Variants in GRIK4 observed in about 807,000 individuals in gnomAD.
GRIK4 encodes the protein glutamate receptor ionotropic, kainate 4.
Under a neutral mutation model 104.9 loss-of-function variants are expected in GRIK4, and 40 were observed. That is an observed-to-expected ratio of 0.38 (90% CI 0.30 to 0.50). The LOEUF (loss-of-function observed/expected upper bound fraction) is 0.50. GRIK4 is among the 20% of genes least tolerant of loss of function. The probability of loss-of-function intolerance (pLI) is 0.93; values close to 1 mark genes in which losing one functional copy is unlikely to be tolerated. For synonymous variants in GRIK4, 485 were observed against 524.9 expected, an observed-to-expected ratio of 0.92 and a Z score of 1.04; for missense variants, 1,047 against 1,308.1, an observed-to-expected ratio of 0.80 and a Z score of 3.08.
At chr11:120,531,396 A>G (rs1300228381) in intron 1 of GRIK4, among the ~76,000 whole-genome samples, 7 of 152,124 alleles carry the variant, frequency 4.6e-5, no homozygotes, top group Non-Finnish European at 8.8e-5. Context: ...GCGCTGCCCA[A>G]ATAATCATTT....
At chr11:120,637,689 G>T (rs890387603) in intron 1 of GRIK4, among the ~76,000 whole-genome samples, 2 of 152,070 alleles carry the variant, frequency 1.3e-5, no homozygotes, top group African/African-American at 4.8e-5. Flanking sequence ...AGCTGAAGCT[G>T]GTTTAAATGT....
At chr11:120,668,150 A>G (rs1347686208) in intron 3 of GRIK4, among the ~76,000 whole-genome samples, 2 of 142,684 alleles carry the variant, frequency 1.4e-5, no homozygotes, top group East Asian at 2.1e-4. Context: ...TAGATAGATA[A>G]GTAGGTAGAT....
intron 1 of GRIK4, among the ~76,000 whole-genome samples, chr11:120,601,665 T>TG (rs1948889265): frequency 6.6e-6 from 1 of 150,430 alleles, no homozygotes. Context: ...TTTTTTTTTT[T>TG]TAAGTTGGAA....
chr11:120,723,524 A>G (rs901705379), intron 3 of GRIK4, among the ~76,000 whole-genome samples: 3 of 152,232 alleles, frequency 2.0e-5, no homozygotes, highest in Non-Finnish European at 2.9e-5. Flanking sequence ...ACCCACAATT[A>G]GGAAACTGAG....
At chr11:120,904,332 T>A (rs1361468217) in intron 12 of GRIK4, among the ~76,000 whole-genome samples, 1 of 152,110 alleles carries the variant, frequency 6.6e-6, no homozygotes, top group Non-Finnish European at 1.5e-5. Context: ...CTGTTAGTCA[T>A]CCACCGGGCT....
intron 20 of GRIK4, among the ~76,000 whole-genome samples, chr11:120,983,168 C>T (rs1324320912): frequency 6.6e-6 from 1 of 152,206 alleles, no homozygotes; most frequent in African/African-American, 2.4e-5. Flanking sequence ...TCCTCAGCTG[C>T]TCCAGGATTA....
intron 3 of GRIK4, among the ~76,000 whole-genome samples, chr11:120,712,523 C>T (rs1950753725): frequency 6.6e-6 from 1 of 151,802 alleles, no homozygotes. Flanking sequence ...CACGGTGGCA[C>T]ATGTCTGGAA....
intron 1 of GRIK4, among the ~76,000 whole-genome samples, chr11:120,618,825 T>C (rs1314510535): frequency 1.3e-5 from 2 of 152,176 alleles, no homozygotes; most frequent in African/African-American, 4.8e-5. Flanking sequence ...TGTCTAGATT[T>C]TGGAGGATGT....
chr11:120,925,034 T>C (rs986616267), intron 13 of GRIK4, among the ~76,000 whole-genome samples: 5 of 151,938 alleles, frequency 3.3e-5, no homozygotes, highest in African/African-American at 1.2e-4. Context: ...CCTGGGGAGG[T>C]GGGGCAGTTC....
chr11:120,898,512 C>G lies in GRIK4; in HGVS notation c.1165-20C>G. ...TGGAGGCCACCATTTCTTCCCAGTCCTCTCCGTTGGTCTCCTCAGATCGGC... is the reference window on the plus strand; with the variant it reads ...TGGAGGCCACCATTTCTTCCCAGTCGTCTCCGTTGGTCTCCTCAGATCGGC... On this transcript the variant is annotated intron_variant, in intron 11 of 20. Transcript: ENST00000527524. 4 of 1,411,638 alleles carry G rather than the reference C, an allele frequency of 2.8e-6. No homozygotes were observed. The highest frequency in any genetic ancestry group is 3.0e-6 in the Non-Finnish European group (3 of 995,292). The allele number at this position is 1,411,638 out of a possible 1,614,324, so 87.4% of individuals were successfully genotyped here. A position where few individuals can be genotyped will look rare whatever the true frequency, so the allele number is the denominator to read the frequency against.
rs1944045587 is a variant in GRIK4 at position 120,953,043 on chromosome 11, G to A, written c.1700+79G>A. 2 of 874,632 alleles carry A rather than the reference G, an allele frequency of 2.3e-6. No homozygotes were observed. The highest frequency in any genetic ancestry group is 2.4e-5 in the East Asian group (1 of 40,824). The allele number at this position is 874,632 out of a possible 1,614,324, so 54.2% of individuals were successfully genotyped here. Reference sequence around the variant, plus strand: ...GGGAACTGCATGGGGAGGGGGTGGGGAGGAGGAGAGGGGGAGGAGGAGTTG... The same window carrying A: ...GGGAACTGCATGGGGAGGGGGTGGGAAGGAGGAGAGGGGGAGGAGGAGTTG... On this transcript the variant is annotated intron_variant, in intron 15 of 20. Coordinates refer to ENST00000527524, the MANE Select transcript of GRIK4 (RefSeq NM_014619.5). This position sits in a 1 kb window ranked among gnomAD's most constrained non-coding sequence, Gnocchi z 4.9.
At chr11:120,585,550 T>C (rs1001734547) in intron 1 of GRIK4, among the ~76,000 whole-genome samples, 4 of 152,108 alleles carry the variant, frequency 2.6e-5, no homozygotes, top group African/African-American at 9.7e-5. Context: ...CGAAGAACAG[T>C]AGTTAACTTT....
At chr11:120,714,174 A>G (rs886586112) in intron 3 of GRIK4, among the ~76,000 whole-genome samples, 1 of 152,224 alleles carries the variant, frequency 6.6e-6, no homozygotes, top group Non-Finnish European at 1.5e-5. Context: ...AGTGTATGCT[A>G]TGCTCTCCCA....
At chr11:120,599,019 C>T (rs1171622038) in intron 1 of GRIK4, among the ~76,000 whole-genome samples, 2 of 152,220 alleles carry the variant, frequency 1.3e-5, no homozygotes, top group Non-Finnish European at 2.9e-5. Flanking sequence ...TGTGGTCATT[C>T]TGCGTTACTG....
intron 3 of GRIK4, among the ~76,000 whole-genome samples, chr11:120,674,294 G>A (rs1950066487): frequency 6.6e-6 from 1 of 152,168 alleles, no homozygotes; most frequent in Non-Finnish European, 1.5e-5. Context: ...AGCCTGGTGG[G>A]GATCTGGCCT....
intron 1 of GRIK4, among the ~76,000 whole-genome samples, chr11:120,534,301 C>A (rs570282784): frequency 6.6e-6 from 1 of 152,030 alleles, no homozygotes; most frequent in Non-Finnish European, 1.5e-5. Flanking sequence ...GGATTCAGTT[C>A]CATTTTAGAC....
At chr11:120,923,661 G>T (rs895669719) in intron 13 of GRIK4, among the ~76,000 whole-genome samples, 4 of 151,946 alleles carry the variant, frequency 2.6e-5, no homozygotes, top group African/African-American at 9.7e-5. Flanking sequence ...GATCCGCCCG[G>T]CTCGGCCTCC....
intron 1 of GRIK4, among the ~76,000 whole-genome samples, chr11:120,579,892 C>T (rs957201406): frequency 3.3e-5 from 5 of 152,292 alleles, no homozygotes; most frequent in African/African-American, 9.6e-5. Flanking sequence ...CCCACACCCC[C>T]GGCAGTCACA....
chr11:120,756,549 A>G (rs1174629541), intron 3 of GRIK4, among the ~76,000 whole-genome samples: 2 of 152,200 alleles, frequency 1.3e-5, no homozygotes, highest in African/African-American at 4.8e-5. Context: ...GAGGTCCATG[A>G]GCCATACTGG....
Sources: allele counts gnomAD v4.1 joint callset (sites outside exome capture counted in the v4.1 genomes callset), GRCh38; gene constraint gnomAD v4.1.1; non-coding constraint Gnocchi (gnomAD v3.1); transcripts MANE v1.5; gene names NCBI Gene and HGNC (gene_info 2026-07-23, HGNC 2026-07-21).